Variants in LRPPRC observed in about 807,000 individuals in gnomAD.
LRPPRC encodes leucine-rich PPR motif-containing protein, mitochondrial.
In LRPPRC, 120 loss-of-function variants were observed where a neutral mutation model predicts 180.3. That is an observed-to-expected ratio of 0.67 (90% CI 0.57 to 0.77). The LOEUF is 0.77. Among genes scored for constraint, LRPPRC ranks in the 30% least tolerant of loss-of-function variants. The probability of loss-of-function intolerance (pLI) is 0.00; values close to 1 mark genes in which losing one functional copy is unlikely to be tolerated. For synonymous variants in LRPPRC, 723 were observed against 600.0 expected, an observed-to-expected ratio of 1.21 and a Z score of -3.00; for missense variants, 2,012 against 1,657.2, an observed-to-expected ratio of 1.21 and a Z score of -3.72.
chr2:43,926,573 G>GA (rs1558952418), intron 25 of LRPPRC, among the ~76,000 whole-genome samples: 1 of 151,988 alleles, frequency 6.6e-6, no homozygotes, highest in African/African-American at 2.4e-5. Context: ...CACCATGTTG[G>GA]CCAGGCTGGT....
rs547526469 is a variant in LRPPRC at position 43,943,316 on chromosome 2, A to C, written c.2504+371T>G. Among the ~76,000 whole-genome samples, 3 of 152,096 alleles carry C rather than the reference A, an allele frequency of 2.0e-5. 1 individual carries two copies. In the South Asian group the frequency reaches 6.2e-4, roughly 31 times the overall value. ...ACCCTGTGAAGAAAAGGAGCACTGA[A>C]GATGCTTCAACACTTATTACCTGAA... On this transcript the variant is annotated intron_variant, in intron 23 of 37. Coordinates refer to ENST00000260665, the MANE Select transcript of LRPPRC (RefSeq NM_133259.4).
chr2:43,958,047 C>T (rs775928255), intron 13 of LRPPRC, among the ~76,000 whole-genome samples: 2 of 152,202 alleles, frequency 1.3e-5, no homozygotes, highest in East Asian at 1.9e-4. Flanking sequence ...TGCTCTACTA[C>T]TCATTTTGAC....
intron 30 of LRPPRC, among the ~76,000 whole-genome samples, chr2:43,911,723 C>T (rs1671268416): frequency 6.6e-6 from 1 of 151,786 alleles, no homozygotes; most frequent in Non-Finnish European, 1.5e-5. Flanking sequence ...GACAGGGTTT[C>T]ACCATGTTGG....
intron 2 of LRPPRC, among the ~76,000 whole-genome samples, chr2:43,980,481 A>C (rs905856139): frequency 6.9e-6 from 1 of 145,518 alleles, no homozygotes; most frequent in Middle Eastern, 3.4e-3. Context: ...TGAACCCAGG[A>C]GGTGGAGGCT....
At chr2:43,967,142 T>G (rs902914119) in intron 11 of LRPPRC, among the ~76,000 whole-genome samples, 1 of 152,164 alleles carries the variant, frequency 6.6e-6, no homozygotes, top group Non-Finnish European at 1.5e-5. Context: ...CTCATGCTTG[T>G]AATCCCAGCA....
At chr2:43,928,720 C>G (rs1345789862) in intron 25 of LRPPRC, among the ~76,000 whole-genome samples, 1 of 151,860 alleles carries the variant, frequency 6.6e-6, no homozygotes, top group African/African-American at 2.4e-5. Context: ...CTGTGAACAG[C>G]CAATGCACTC....
At chr2:43,995,189 T>C (rs765258920) in intron 1 of LRPPRC, among the ~76,000 whole-genome samples, 2 of 152,126 alleles carry the variant, frequency 1.3e-5, no homozygotes, top group Non-Finnish European at 2.9e-5. Context: ...TGCAGTGAGC[T>C]GAGATCGCGC....
rs749207132 is a variant in LRPPRC, at chr2:43,975,099, C to T, written c.856G>A (p.Val286Ile). ...AYAEKGDIDH[V>I]KQTLEKVEKS... ...TTAGACATAAGTCATACCTGCTTAA[C>T]ATGGTCAATGTCGCCCTTCTCAGCA... Residue 286 changes from valine to isoleucine, a missense_variant, in exon 7 of 38, where the codon GTT (valine) becomes ATT (isoleucine). Val to Ile is a conservative substitution (Grantham distance 29). Transcript: ENST00000260665. 1 of 1,613,012 alleles carries T rather than the reference C, an allele frequency of 6.2e-7. No homozygotes were observed. The highest frequency in any genetic ancestry group is 8.5e-7 in the Non-Finnish European group (1 of 1,179,812).
intron 13 of LRPPRC, among the ~76,000 whole-genome samples, chr2:43,959,767 C>T (rs1673262736): frequency 6.6e-6 from 1 of 152,064 alleles, no homozygotes; most frequent in Admixed American, 6.6e-5. Flanking sequence ...GCCTATAATC[C>T]CAGCTACTCG....
chr2:43,906,956 C>G (rs1185287905), intron 30 of LRPPRC, among the ~76,000 whole-genome samples: 1 of 152,218 alleles, frequency 6.6e-6, no homozygotes, highest in East Asian at 1.9e-4. Context: ...AAGTCAACAA[C>G]TCATGCATGA....
Position 43,975,087 on chromosome 2 carries a change from A to T in LRPPRC, c.864+4T>A. ...AAGTATGTTTATTTAGACATAAGTC[A>T]TACCTGCTTAACATGGTCAATGTCG... On this transcript the variant is annotated splice_donor_region_variant and intron_variant, in intron 7 of 37. Coordinates refer to ENST00000260665, the MANE Select transcript of LRPPRC (RefSeq NM_133259.4). The T allele has an allele frequency of 6.2e-7, 1 of 1,612,366 alleles. No homozygotes were observed. The highest frequency in any genetic ancestry group is 8.5e-7 in the Non-Finnish European group (1 of 1,179,764).
chr2:43,935,323 T>C (rs1414747123), intron 23 of LRPPRC, among the ~76,000 whole-genome samples: 3 of 152,234 alleles, frequency 2.0e-5, no homozygotes, highest in Non-Finnish European at 4.4e-5. Context: ...TAAACGTTAT[T>C]AAATGTCCAC....
intron 31 of LRPPRC, chr2:43,904,692 C>G (rs1436682201): frequency 4.6e-5 from 2 of 43,206 alleles, no homozygotes; most frequent in Admixed American, 2.7e-4. Flanking sequence ...GACCCTATCT[C>G]AAAAAAAACA....
In LRPPRC at chr2:43,947,386, A is replaced by C. The variant is rs1672726407; in HGVS notation, c.1966-16T>G. ...GTTGCACAGTCTACAGAAAAGAAAA[A>C]AGAAAAGAAAAATTTCCTGAAAAAG... On this transcript the variant is annotated splice_polypyrimidine_tract_variant and intron_variant, in intron 19 of 37. Coordinates refer to ENST00000260665, the MANE Select transcript of LRPPRC (RefSeq NM_133259.4). 1 of 1,308,916 alleles carries C rather than the reference A, an allele frequency of 7.6e-7. No individual in the cohort carries two copies. The highest frequency in any genetic ancestry group is 1.2e-5 in the South Asian group (1 of 84,368). The allele number at this position is 1,308,916 out of a possible 1,614,324, so 81.1% of individuals were successfully genotyped here. A position where few individuals can be genotyped will look rare whatever the true frequency, so the allele number is the denominator to read the frequency against.
At chr2:43,940,478 A>G (rs1672438701) in intron 23 of LRPPRC, among the ~76,000 whole-genome samples, 1 of 152,218 alleles carries the variant, frequency 6.6e-6, no homozygotes, top group South Asian at 2.1e-4. Context: ...TTCAGCAAGA[A>G]TTCTGGGAGG....
intron 25 of LRPPRC, among the ~76,000 whole-genome samples, chr2:43,929,185 C>A (rs2105049262): frequency 6.6e-6 from 1 of 152,290 alleles, no homozygotes; most frequent in South Asian, 2.1e-4. Context: ...AGCAATTCAT[C>A]CTTTTCTTGA....
chr2:43,937,365 A>G (rs752823189), intron 23 of LRPPRC, among the ~76,000 whole-genome samples: 24 of 152,180 alleles, frequency 1.6e-4, no homozygotes, highest in Admixed American at 6.5e-4. Context: ...AAAGTAAATG[A>G]CTAGTCAGTT....
intron 30 of LRPPRC, among the ~76,000 whole-genome samples, chr2:43,908,740 T>C (rs1310890721): frequency 6.6e-6 from 1 of 152,212 alleles, no homozygotes; most frequent in Non-Finnish European, 1.5e-5. Flanking sequence ...TTGGCCAGGC[T>C]GGTCTTGAAC....
rs745716561 is a variant in LRPPRC, at chr2:43,959,207, T to C, written c.1582+1334A>G. On this transcript the variant is annotated intron_variant, in intron 13 of 37. Coordinates refer to ENST00000260665, the MANE Select transcript of LRPPRC (RefSeq NM_133259.4). ...CTAATGCTTCTCTGTTTTCTTCTTGTCAGATTGGAAAATCTATATAGTATA... is the reference window on the plus strand; with the variant it reads ...CTAATGCTTCTCTGTTTTCTTCTTGCCAGATTGGAAAATCTATATAGTATA... 8 of 716,446 alleles carry C rather than the reference T, an allele frequency of 1.1e-5. No individual in the cohort carries two copies. In the Admixed American group the frequency reaches 1.4e-4, roughly 13 times the overall value. 44.4% of individuals were successfully genotyped at this position (716,446 alleles called of 1,614,324 possible).
Sources: allele counts gnomAD v4.1 joint callset (sites outside exome capture counted in the v4.1 genomes callset), GRCh38; gene constraint gnomAD v4.1.1; transcripts MANE v1.5; gene names NCBI Gene and HGNC (gene_info 2026-07-23, HGNC 2026-07-21).